APBB2: variants seen among roughly 807,000 people sequenced by gnomAD.
The protein encoded by APBB2 is amyloid beta precursor protein binding family B member 2.
In APBB2, 38 loss-of-function variants were observed where a neutral mutation model predicts 82.5. The observed-to-expected ratio is 0.46, with a 90% CI of 0.36 to 0.60. The LOEUF (loss-of-function observed/expected upper bound fraction) is 0.60, where lower values mean the gene tolerates loss of function less well. Ranked by LOEUF, APBB2 falls within the 20% of genes least tolerant of loss-of-function variation. The probability of loss-of-function intolerance (pLI) is 0.00; values close to 1 mark genes in which losing one functional copy is unlikely to be tolerated. For synonymous variants in APBB2, 341 were observed against 368.2 expected, an observed-to-expected ratio of 0.93 and a Z score of 0.85; for missense variants, 772 against 972.3, an observed-to-expected ratio of 0.79 and a Z score of 2.74.
At chr4:40,868,560 C>G (rs1020569815) in intron 12 of APBB2, among the ~76,000 whole-genome samples, 3 of 152,214 alleles carry the variant, frequency 2.0e-5, no homozygotes, top group Admixed American at 6.5e-5. Flanking sequence ...GCTGGCAACT[C>G]AGTCTACTTT....
intron 10 of APBB2, among the ~76,000 whole-genome samples, chr4:40,920,426 A>G (rs1187060180): frequency 6.6e-6 from 1 of 152,216 alleles, no homozygotes; most frequent in African/African-American, 2.4e-5. Context: ...AACACAAACC[A>G]CACACATACA....
intron 2 of APBB2, among the ~76,000 whole-genome samples, chr4:41,134,663 G>A (rs952661435): frequency 2.0e-5 from 3 of 152,086 alleles, no homozygotes; most frequent in Non-Finnish European, 4.4e-5. Flanking sequence ...CTCTAAAACT[G>A]GGTAACACTG....
At chr4:41,003,234 T>C (rs1316355377) in intron 6 of APBB2, among the ~76,000 whole-genome samples, 1 of 152,228 alleles carries the variant, frequency 6.6e-6, no homozygotes, top group Non-Finnish European at 1.5e-5. Flanking sequence ...AATGAAGACT[T>C]TGAACAAAGG....
intron 1 of APBB2, among the ~76,000 whole-genome samples, chr4:41,188,377 C>T (rs539040683): frequency 2.0e-4 from 30 of 152,306 alleles, no homozygotes; most frequent in African/African-American, 6.5e-4. Context: ...CTCCAAAATT[C>T]ATGTGTTGGA....
At chr4:40,913,916 T>G (rs936157127) in intron 10 of APBB2, among the ~76,000 whole-genome samples, 1 of 151,998 alleles carries the variant, frequency 6.6e-6, no homozygotes, top group Admixed American at 6.6e-5. Context: ...GGCCATGAGT[T>G]GAAGGTCAAC....
intron 5 of APBB2, among the ~76,000 whole-genome samples, chr4:41,032,362 A>G (rs553911923): frequency 6.6e-6 from 1 of 152,232 alleles, no homozygotes; most frequent in East Asian, 1.9e-4. Context: ...GAGGCTAGGG[A>G]TTAAATCCCA....
intron 13 of APBB2, among the ~76,000 whole-genome samples, chr4:40,829,332 G>T (rs1175523788): frequency 2.0e-5 from 3 of 152,182 alleles, no homozygotes; most frequent in African/African-American, 7.2e-5. Context: ...TTAGGGACTG[G>T]AATAGCCATG....
At chr4:41,054,738 C>T (rs901431051) in intron 4 of APBB2, among the ~76,000 whole-genome samples, 1 of 152,126 alleles carries the variant, frequency 6.6e-6, no homozygotes, top group Non-Finnish European at 1.5e-5. Flanking sequence ...GGTGTGAAGT[C>T]TTGTTGCTGT....
chr4:40,915,219 C>CAT (rs766001840), intron 10 of APBB2, among the ~76,000 whole-genome samples: 1 of 152,200 alleles, frequency 6.6e-6, no homozygotes, highest in Non-Finnish European at 1.5e-5. Flanking sequence ...TTCCCTCTCT[C>CAT]ATCTCGTACT....
intron 5 of APBB2, among the ~76,000 whole-genome samples, chr4:41,028,247 C>T (rs572418276): frequency 1.2e-4 from 19 of 152,336 alleles, no homozygotes; most frequent in African/African-American, 2.4e-4. Flanking sequence ...GAGCGCAGAG[C>T]GCACACTCTA....
intron 6 of APBB2, among the ~76,000 whole-genome samples, chr4:40,982,249 A>AGAAG (rs1798781865): frequency 1.7e-4 from 2 of 11,898 alleles, no homozygotes; most frequent in Non-Finnish European, 4.0e-4. Flanking sequence ...AAAGAAAGAA[A>AGAAG]GAAAGAAAGA....
At chr4:41,028,628 G>T (rs1228311405) in intron 5 of APBB2, among the ~76,000 whole-genome samples, 1 of 152,218 alleles carries the variant, frequency 6.6e-6, no homozygotes, top group East Asian at 1.9e-4. Flanking sequence ...GGACTTCTCA[G>T]GTCGATAGAT....
intron 7 of APBB2, among the ~76,000 whole-genome samples, chr4:40,936,445 G>T (rs1785385488): frequency 6.6e-6 from 1 of 152,064 alleles, no homozygotes; most frequent in South Asian, 2.1e-4. Context: ...TTGTTGAGAT[G>T]GGGGTTCCAT....
chr4:41,013,926 G>GTAATT lies in APBB2; in HGVS notation c.487_491dup (p.Tyr164Ter). 1 of 1,614,176 alleles carries GTAATT rather than the reference G, an allele frequency of 6.2e-7. No homozygotes were observed. Among genetic ancestry groups the GTAATT allele is most frequent in the Non-Finnish European group, 8.5e-7 (1 of 1,180,038 alleles). On this transcript the variant is annotated stop_gained and frameshift_variant, in exon 6 of 18. Transcript: ENST00000508593. LOFTEE classifies it high-confidence loss of function. ...TGGCTGAGGTTTCCAGATCTGCATA[G>GTAATT]TAATTTAGGAAGCTCTTAGTTCTCC...
rs553695081 is a variant in APBB2 at position 40,896,565 on chromosome 4, T to TA, written c.1255-3155dup. Among the ~76,000 whole-genome samples, 913 of 152,226 alleles carry TA rather than the reference T, an allele frequency of 6.0e-3. 8 individuals carry two copies. The highest frequency in any genetic ancestry group is 0.02 in the African/African-American group (839 of 41,544). ...TAATATAAGTAGTGAACTTAGAAAA[T>TA]AAAAAACACTTGAACATTTGTTGAA... On this transcript the variant is annotated intron_variant, in intron 10 of 17. Coordinates refer to ENST00000508593, the MANE Select transcript of APBB2 (RefSeq NM_004307.2).
chr4:40,846,674 G>A lies in APBB2; in HGVS notation c.1530-16097C>T, dbSNP rs78436973. On this transcript the variant is annotated intron_variant, in intron 12 of 17. Coordinates refer to ENST00000508593, the MANE Select transcript of APBB2 (RefSeq NM_004307.2). ...TGCCCAGCAGCGCCATGATGGGAAA[G>A]TTAGACTTCCAGCACTTAGAAGTGT... Among the ~76,000 whole-genome samples, 214 of 152,272 alleles carry A rather than the reference G, an allele frequency of 1.4e-3. 1 individual carries two copies. The highest frequency in any genetic ancestry group is 4.8e-3 in the African/African-American group (200 of 41,542).
At chr4:41,206,364 T>A (rs1777929212) in intron 1 of APBB2, among the ~76,000 whole-genome samples, 1 of 152,200 alleles carries the variant, frequency 6.6e-6, no homozygotes, top group African/African-American at 2.4e-5. Context: ...CTATAACCAA[T>A]GTTCTGGTAC....
At chr4:41,199,988 G>A (rs538922970) in intron 1 of APBB2, among the ~76,000 whole-genome samples, 5 of 152,272 alleles carry the variant, frequency 3.3e-5, no homozygotes, top group African/African-American at 9.6e-5. Flanking sequence ...AAATGATCTG[G>A]TATGAGTAAT....
intron 12 of APBB2, among the ~76,000 whole-genome samples, chr4:40,852,302 G>C (rs1759725815): frequency 1.4e-5 from 2 of 143,778 alleles, no homozygotes; most frequent in South Asian, 2.2e-4. Flanking sequence ...AGGGGGCCGA[G>C]ATCGTGACAC....
Sources: gnomAD v4.1 joint callset for allele counts (sites outside exome capture counted in the v4.1 genomes callset) on GRCh38, gnomAD v4.1.1 for gene constraint, MANE v1.5 for transcripts, NCBI Gene and HGNC (gene_info 2026-07-23, HGNC 2026-07-21) for gene names.